Variants in PTCHD4 observed in about 807,000 individuals in gnomAD.
PTCHD4 encodes the protein patched domain containing 4.
PTCHD4 carries 33 observed loss-of-function variants against 58.1 expected under a neutral mutation model. The ratio of observed to expected loss-of-function variants is 0.57; its 90% confidence interval spans 0.43 to 0.76. PTCHD4 has a LOEUF of 0.76. Ranked by LOEUF, PTCHD4 falls within the 30% of genes least tolerant of loss-of-function variation. PTCHD4 has a pLI of 0.00. For missense variants in PTCHD4, 1,058 were observed against 1,027.1 expected (o/e 1.03, Z -0.41); for synonymous variants, 478 against 409.6 (o/e 1.17, Z -2.02).
At chr6:47,983,458 C>A (rs116791242) in intron 4 of PTCHD4, among the ~76,000 whole-genome samples, 2,648 of 152,056 alleles carry the variant, frequency 0.017, 40 homozygotes, top group South Asian at 0.055. Flanking sequence ...ATTTTAAAGG[C>A]ATGACATTAA....
At chr6:48,105,758 C>T (rs1306097847) in intron 1 of PTCHD4, among the ~76,000 whole-genome samples, 2 of 151,922 alleles carry the variant, frequency 1.3e-5, no homozygotes, top group Non-Finnish European at 2.9e-5. Flanking sequence ...TAAAAAATGA[C>T]AAAGGGGATA....
chr6:48,062,635 C>A (rs948136061), intron 3 of PTCHD4, among the ~76,000 whole-genome samples: 2 of 152,106 alleles, frequency 1.3e-5, no homozygotes, highest in Non-Finnish European at 2.9e-5. Flanking sequence ...ACTTTGGGTG[C>A]TCAGAAAAAT....
Position 48,063,091 on chromosome 6 carries a change from C to T in PTCHD4, c.417+5139G>A, listed in dbSNP as rs1159531060. ...TATCCCATAAATTTTTTTTTTCAGGCCATTTGAAGCCAGGAATACTCAAGC... is the reference window on the plus strand; with the variant it reads ...TATCCCATAAATTTTTTTTTTCAGGTCATTTGAAGCCAGGAATACTCAAGC... On this transcript the variant is annotated intron_variant, in intron 3 of 4. Transcript: ENST00000339488. 3.9e-5 allele frequency among the ~76,000 whole-genome samples: 6 copies of T among 152,030 alleles called. No homozygotes were observed. In the East Asian group the frequency reaches 1.2e-3, roughly 29 times the overall value.
At chr6:47,951,275 G>T (rs1006438919) in intron 4 of PTCHD4, among the ~76,000 whole-genome samples, 4 of 152,128 alleles carry the variant, frequency 2.6e-5, no homozygotes, top group Non-Finnish European at 5.9e-5. Flanking sequence ...AGTATATAGG[G>T]AGACTTTATC....
chr6:48,073,947 G>A (rs900848955), intron 1 of PTCHD4, among the ~76,000 whole-genome samples: 2 of 152,120 alleles, frequency 1.3e-5, no homozygotes, highest in African/African-American at 4.8e-5. Context: ...TCTTTGCCCT[G>A]TTCACCTTCA....
At chr6:48,076,180 T>C (rs1450793779) in intron 1 of PTCHD4, among the ~76,000 whole-genome samples, 4 of 152,222 alleles carry the variant, frequency 2.6e-5, no homozygotes, top group Admixed American at 6.5e-5. Context: ...GAAACAACTC[T>C]TCATCCATTA....
At chr6:48,085,930 A>C (rs1765255484) in intron 1 of PTCHD4, among the ~76,000 whole-genome samples, 1 of 152,074 alleles carries the variant, frequency 6.6e-6, no homozygotes, top group Non-Finnish European at 1.5e-5. Flanking sequence ...TTTTCATCTA[A>C]TTTGACAATG....
chr6:47,941,522 A>G (rs1159492303), intron 4 of PTCHD4, among the ~76,000 whole-genome samples: 1 of 152,220 alleles, frequency 6.6e-6, no homozygotes, highest in South Asian at 2.1e-4. Context: ...GACAGAAGTT[A>G]CCCACATGAA....
chr6:48,072,992 C>A (rs962885098), intron 1 of PTCHD4, among the ~76,000 whole-genome samples: 2 of 152,054 alleles, frequency 1.3e-5, no homozygotes, highest in Non-Finnish European at 2.9e-5. Context: ...ATTAGGGATT[C>A]ATTAGAAAGA....
chr6:48,023,123 G>T (rs1763123533), intron 3 of PTCHD4, among the ~76,000 whole-genome samples: 1 of 152,102 alleles, frequency 6.6e-6, no homozygotes, highest in Non-Finnish European at 1.5e-5. Context: ...AAAATTTCGT[G>T]CCATTTCATT....
rs1764899354 is a variant in PTCHD4, at chr6:48,068,762, C to T, written c.6-121G>A. 6.8e-6 allele frequency: 6 copies of T among 884,192 alleles called. No individual in the cohort carries two copies. The highest frequency in any genetic ancestry group is 1.0e-5 in the Non-Finnish European group (6 of 593,596). The allele number at this position is 884,192 out of a possible 1,614,324, so 54.8% of individuals were successfully genotyped here. A position where few individuals can be genotyped will look rare whatever the true frequency, so the allele number is the denominator to read the frequency against. On this transcript the variant is annotated intron_variant, in intron 2 of 4. Coordinates refer to ENST00000339488, the MANE Select transcript of PTCHD4 (RefSeq NM_001384253.1). This position sits in a 1 kb window ranked among gnomAD's most constrained non-coding sequence, Gnocchi z 4.2. ...CTCCCCACCCACTCCGCGCTCACCC[C>T]ACAACCACTCCGCCTGGTCTTTCCC...
intron 1 of PTCHD4, among the ~76,000 whole-genome samples, chr6:48,096,686 T>G (rs1389790306): frequency 1.3e-5 from 2 of 151,052 alleles, no homozygotes; most frequent in Non-Finnish European, 2.9e-5. Flanking sequence ...TGGGATGGAG[T>G]TGAAAGATGA....
At position 48,107,024 on chromosome 6, in the gene PTCHD4, C is replaced by T. The variant is rs760662083; in HGVS notation, c.-970+4025G>A. On this transcript the variant is annotated intron_variant, in intron 1 of 4. Coordinates refer to ENST00000339488, the MANE Select transcript of PTCHD4 (RefSeq NM_001384253.1). ...CAATATCGTGAAAATAGCCATACTG[C>T]CCAAGGTAATTTATAGATTCAATGC... is the stretch of plus-strand genomic sequence containing the variant. Among the ~76,000 whole-genome samples the T allele has an allele frequency of 1.3e-3, 199 of 152,232 alleles. 1 individual carries two copies. The highest frequency in any genetic ancestry group is 1.2e-3 in the Non-Finnish European group (84 of 68,018).
intron 4 of PTCHD4, among the ~76,000 whole-genome samples, chr6:47,955,677 T>C (rs966076965): frequency 2.0e-5 from 3 of 152,228 alleles, no homozygotes; most frequent in African/African-American, 7.2e-5. Flanking sequence ...AATATAAAAG[T>C]GCATTTTATT....
intron 1 of PTCHD4, among the ~76,000 whole-genome samples, chr6:48,099,502 A>G (rs930191062): frequency 6.6e-6 from 1 of 152,210 alleles, no homozygotes; most frequent in Non-Finnish European, 1.5e-5. Context: ...TGAAAAGGAA[A>G]GCCTTTGAAA....
At chr6:47,982,755 G>T (rs1400947477) in intron 4 of PTCHD4, among the ~76,000 whole-genome samples, 1 of 152,102 alleles carries the variant, frequency 6.6e-6, no homozygotes, top group Non-Finnish European at 1.5e-5. Flanking sequence ...CCAAAGTGCT[G>T]GGATTAAAGG....
intron 4 of PTCHD4, among the ~76,000 whole-genome samples, chr6:47,956,988 A>G (rs1011513300): frequency 1.3e-5 from 2 of 151,414 alleles, no homozygotes; most frequent in African/African-American, 4.9e-5. Flanking sequence ...ACATGGTGAA[A>G]CCCTGTCTCT....
intron 4 of PTCHD4, among the ~76,000 whole-genome samples, chr6:47,885,274 G>A (rs564032743): frequency 2.0e-5 from 3 of 152,086 alleles, no homozygotes; most frequent in Non-Finnish European, 4.4e-5. Flanking sequence ...ATAAGGGGGT[G>A]TGTGTGTGTA....
At chr6:48,057,458 A>T (rs1455269929) in intron 3 of PTCHD4, among the ~76,000 whole-genome samples, 1 of 152,218 alleles carries the variant, frequency 6.6e-6, no homozygotes, top group Non-Finnish European at 1.5e-5. Context: ...CATTAGACAC[A>T]TACACTTACA....
Sources: gnomAD v4.1 joint callset for allele counts (sites outside exome capture counted in the v4.1 genomes callset) on GRCh38, gnomAD v4.1.1 for gene constraint, Gnocchi (gnomAD v3.1) non-coding constraint, MANE v1.5 for transcripts, NCBI Gene and HGNC (gene_info 2026-07-23, HGNC 2026-07-21) for gene names.